The following GRIN2A variants were observed in gnomAD, a reference collection of about 807,000 sequenced individuals.
The protein encoded by GRIN2A is glutamate receptor ionotropic, NMDA 2A.
Under a neutral mutation model 113.4 loss-of-function variants are expected in GRIN2A, and 22 were observed. The ratio of observed to expected loss-of-function variants is 0.19; its 90% CI spans 0.14 to 0.28. GRIN2A has a LOEUF of 0.28. Among genes scored for constraint, GRIN2A ranks in the 10% least tolerant of loss-of-function variants. The probability of loss-of-function intolerance (pLI) is 1.00; values close to 1 mark genes in which losing one functional copy is unlikely to be tolerated. For missense variants in GRIN2A, 1,502 were observed against 1,887.0 expected (o/e 0.80, Z 3.78); for synonymous variants, 827 against 738.4 (o/e 1.12, Z -1.94).
intron 2 of GRIN2A, among the ~76,000 whole-genome samples, chr16:10,120,244 T>C: frequency 6.6e-6 from 1 of 152,166 alleles, no homozygotes; most frequent in East Asian, 1.9e-4. Flanking sequence ...TGGAGACATT[T>C]GTTGTCACAA....
rs185666032 is a variant in GRIN2A at position 9,976,529 on chromosome 16, G to A, written c.415-37978C>T. Among the ~76,000 whole-genome samples the A allele has an allele frequency of 9.9e-5, 15 of 152,214 alleles. No homozygotes were observed. The East Asian group carries it at 1.2e-3, about 12-fold the overall frequency. ...CCCAAGCCTCCTCTTTAAAGTTGGC[G>A]TTTGAAACCCAACAGAAAACTGCAA... On this transcript the variant is annotated intron_variant, in intron 2 of 12. Transcript: ENST00000330684.
At chr16:10,128,121 T>C (rs1215764744) in intron 2 of GRIN2A, among the ~76,000 whole-genome samples, 1 of 152,194 alleles carries the variant, frequency 6.6e-6, no homozygotes. Flanking sequence ...CCATTGTTGC[T>C]GAGAAGGTGG....
At position 9,763,222 on chromosome 16, in the gene GRIN2A, G is replaced by A. The variant is rs1800246855; in HGVS notation, c.4322C>T (p.Thr1441Ile). Reference protein sequence around the residue: ...YAANKNNMYSTPRVLNSCSNR... With the variant: ...YAANKNNMYSIPRVLNSCSNR... ...GCTGCAGGAATTTAAAACCCTGGGG[G>A]TAGAGTACATATTATTCTTATTTGC... Residue 1441 changes from threonine (T) to isoleucine (I), a missense_variant, in exon 13 of 13, where the codon ACC (threonine) becomes ATC (isoleucine). Transcript: ENST00000330684. The A allele has an allele frequency of 6.8e-6, 11 of 1,613,796 alleles. No individual in the cohort carries two copies. The highest frequency in any genetic ancestry group is 8.5e-6 in the Non-Finnish European group (10 of 1,179,706).
At chr16:10,080,536 G>A (rs1475780536) in intron 2 of GRIN2A, among the ~76,000 whole-genome samples, 1 of 152,178 alleles carries the variant, frequency 6.6e-6, no homozygotes, top group African/African-American at 2.4e-5. Context: ...CTCAGGCTAG[G>A]CTATTCTTGG....
rs377355483 is a variant in GRIN2A, at chr16:10,120,805, T to C, written c.414+59193A>G. The stretch of plus-strand genomic sequence containing the variant: ...TGTTTATTGTAAGGACACATGCAGA[T>C]TGCTACCAGAAGCCTTCATATTCTC... On this transcript the variant is annotated intron_variant, in intron 2 of 12. Transcript: ENST00000330684. 2.4e-4 allele frequency among the ~76,000 whole-genome samples: 36 copies of C among 152,148 alleles called. No homozygotes were observed. The East Asian group carries it at 6.6e-3, about 28-fold the overall frequency.
At chr16:9,996,565 T>C (rs1209025640) in intron 2 of GRIN2A, among the ~76,000 whole-genome samples, 1 of 152,234 alleles carries the variant, frequency 6.6e-6, no homozygotes, top group Non-Finnish European at 1.5e-5. Context: ...CTGAGCAGAT[T>C]GTGGTGGGCA....
intron 5 of GRIN2A, among the ~76,000 whole-genome samples, chr16:9,844,939 C>T (rs2215718): frequency 0.37 from 55,634 of 151,936 alleles, 10,850 homozygotes; most frequent in African/African-American, 0.5. Flanking sequence ...GATCCCACCA[C>T]TTGCCAGAAG....
chr16:10,094,491 C>T (rs1198763343), intron 2 of GRIN2A, among the ~76,000 whole-genome samples: 1 of 151,944 alleles, frequency 6.6e-6, no homozygotes, highest in Admixed American at 6.6e-5. Context: ...CTCTTATTGC[C>T]CAGGCTGGGG....
At chr16:9,776,113 A>C (rs764049970) in intron 11 of GRIN2A, among the ~76,000 whole-genome samples, 5 of 152,180 alleles carry the variant, frequency 3.3e-5, no homozygotes, top group African/African-American at 4.8e-5. Flanking sequence ...ATCATAACCC[A>C]TTACAGTCTA....
At chr16:9,921,296 C>T (rs747214656) in intron 3 of GRIN2A, among the ~76,000 whole-genome samples, 1 of 152,134 alleles carries the variant, frequency 6.6e-6, no homozygotes, top group African/African-American at 2.4e-5. Context: ...TAAAGACAAG[C>T]AAATGTCTCC....
At chr16:9,827,333 T>G (rs1171120208) in intron 9 of GRIN2A, among the ~76,000 whole-genome samples, 1 of 152,226 alleles carries the variant, frequency 6.6e-6, no homozygotes, top group African/African-American at 2.4e-5. Context: ...TTACAGTAGC[T>G]GACCCCAAGT....
At chr16:9,770,894 T>A (rs973589765) in intron 11 of GRIN2A, among the ~76,000 whole-genome samples, 8 of 152,208 alleles carry the variant, frequency 5.3e-5, no homozygotes, top group Admixed American at 5.2e-4. Flanking sequence ...GTTAACATCT[T>A]GCATTAGTGT....
At chr16:9,767,108 G>T (rs1462451752) in intron 12 of GRIN2A, among the ~76,000 whole-genome samples, 1 of 152,218 alleles carries the variant, frequency 6.6e-6, no homozygotes, top group Non-Finnish European at 1.5e-5. Context: ...GTAATTGGCT[G>T]GGAGAATTAG....
At chr16:9,901,702 C>G (rs933081665) in intron 3 of GRIN2A, among the ~76,000 whole-genome samples, 2 of 152,144 alleles carry the variant, frequency 1.3e-5, no homozygotes, top group South Asian at 4.2e-4. Flanking sequence ...CCATCTGCCT[C>G]GGCCTCCCAA....
In GRIN2A at chr16:9,769,095, C is replaced by T. The variant is rs775706302; in HGVS notation, c.2357-6G>A. ...CTCCAGCTCCTCCATCTCACCTGGA[C>T]AGATCACAACATTCACAGGCAGTGA... is the stretch of plus-strand genomic sequence containing the variant. On this transcript the variant is annotated splice_polypyrimidine_tract_variant and splice_region_variant and intron_variant, in intron 11 of 12. Coordinates refer to ENST00000330684, the MANE Select transcript of GRIN2A (RefSeq NM_001134407.3). The T allele has an allele frequency of 6.2e-7, 1 of 1,604,066 alleles. No homozygotes were observed. Among genetic ancestry groups the T allele is most frequent in the South Asian group, 1.1e-5 (1 of 90,890 alleles).
At chr16:10,015,252 C>CAAAAAAAAAAAAAAA (rs200124835) in intron 2 of GRIN2A, among the ~76,000 whole-genome samples, 6 of 19,302 alleles carry the variant, frequency 3.1e-4, no homozygotes, top group East Asian at 1.3e-3. Flanking sequence ...GACTTCATCT[C>CAAAAAAAAAAAAAAA]AAAAAAAAAA....
intron 4 of GRIN2A, among the ~76,000 whole-genome samples, chr16:9,858,226 G>A (rs151117028): frequency 1.3e-5 from 2 of 152,128 alleles, no homozygotes; most frequent in African/African-American, 2.4e-5. Flanking sequence ...AGAGAAGAAA[G>A]CAATAAAGTG....
chr16:10,094,382 G>A (rs1324403222), intron 2 of GRIN2A, among the ~76,000 whole-genome samples: 1 of 152,064 alleles, frequency 6.6e-6, no homozygotes, highest in Non-Finnish European at 1.5e-5. Flanking sequence ...TAGAATGTGG[G>A]TATACATGAG....
chr16:9,789,277 G>A (rs1902440159), intron 11 of GRIN2A, among the ~76,000 whole-genome samples: 1 of 152,062 alleles, frequency 6.6e-6, no homozygotes, highest in South Asian at 2.1e-4. Context: ...TTTTTTCTTG[G>A]TCGCCCTCTT....
Sources: gnomAD v4.1 joint callset for allele counts (sites outside exome capture counted in the v4.1 genomes callset) on GRCh38, gnomAD v4.1.1 for gene constraint, MANE v1.5 for transcripts, NCBI Gene and HGNC (gene_info 2026-07-23, HGNC 2026-07-21) for gene names.